Variants in AAAS observed in about 807,000 individuals in gnomAD.
AAAS encodes aladin WD repeat nucleoporin.
In AAAS, 60 loss-of-function variants were observed where a neutral mutation model predicts 75.6. The observed-to-expected ratio is 0.79, with a 90% CI of 0.64 to 0.98. The LOEUF is 0.98. Ranked by LOEUF, AAAS falls within the 50% of genes least tolerant of loss-of-function variation. The pLI is 0.00. For missense variants in AAAS, 658 were observed against 686.9 expected (o/e 0.96, Z 0.47); for synonymous variants, 271 against 265.0 (o/e 1.02, Z -0.22).
Position 53,308,451 on chromosome 12 carries a change from G to C in AAAS, c.1165C>G (p.Pro389Ala), listed in dbSNP as rs765129426. ...ADLSETTIQT[P>A]DGEERLGGEA... The stretch of plus-strand genomic sequence containing the variant: ...TCAGCTCACCTCTCCTCACCATCTG[G>C]TGTCTGTATTGTTGTCTCAGACAGA... Residue 389 changes from proline (P) to alanine (A), a missense_variant, in exon 12 of 16, where the codon CCA becomes GCA. Physicochemically the swap from Pro to Ala is conservative, Grantham distance 27. Coordinates refer to ENST00000209873, the MANE Select transcript of AAAS (RefSeq NM_015665.6). The C allele has an allele frequency of 6.2e-7, 1 of 1,614,116 alleles. No homozygotes were observed. Among genetic ancestry groups the C allele is most frequent in the South Asian group, 1.1e-5 (1 of 91,088 alleles).
In AAAS at chr12:53,321,610, T is replaced by G; in HGVS notation, c.-145A>C. On this transcript the variant is annotated 5_prime_UTR_variant, in exon 1 of 16. Coordinates refer to ENST00000209873, the MANE Select transcript of AAAS (RefSeq NM_015665.6). ...ACGGCGAGGCGGAACTCAACGGAAGTGAAGAAAAGACTAACGGGAAAGAAG... is the reference window on the plus strand; with the variant it reads ...ACGGCGAGGCGGAACTCAACGGAAGGGAAGAAAAGACTAACGGGAAAGAAG... 1.4e-6 allele frequency: 2 copies of G among 1,414,026 alleles called. No homozygotes were observed. Among genetic ancestry groups the G allele is most frequent in the Non-Finnish European group, 2.0e-6 (2 of 1,016,522 alleles). 87.6% of individuals were successfully genotyped at this position (1,414,026 alleles called of 1,614,324 possible).
At chr12:53,310,041 T>C (rs943645896) in intron 7 of AAAS, among the ~76,000 whole-genome samples, 1 of 152,198 alleles carries the variant, frequency 6.6e-6, no homozygotes, top group Admixed American at 6.5e-5. Flanking sequence ...CCTGGGGCGA[T>C]ATCAGGCCCT....
intron 10 of AAAS, 42 bp from the exon 11 acceptor site, chr12:53,308,857 G>A (rs375457910): frequency 3.1e-6 from 5 of 1,613,400 alleles, no homozygotes; most frequent in African/African-American, 1.3e-5. Flanking sequence ...TATGTCTATA[G>A]TAGAATGCAG....
intron 3 of AAAS, 103 bp downstream of exon 3, chr12:53,315,624 T>C (rs1944450260): frequency 2.8e-6 from 4 of 1,433,676 alleles, no homozygotes; most frequent in South Asian, 1.2e-5. Flanking sequence ...ACAGGAAAAA[T>C]AGGGCTAAAA....
At chr12:53,320,348 T>C (rs1592524243) in intron 2 of AAAS, among the ~76,000 whole-genome samples, 1 of 152,306 alleles carries the variant, frequency 6.6e-6, no homozygotes, top group East Asian at 1.9e-4. Context: ...ACTTTTTCCA[T>C]AGTGTTCCTG....
intron 7 of AAAS, among the ~76,000 whole-genome samples, chr12:53,313,787 T>C (rs1944426237): frequency 6.6e-6 from 1 of 151,288 alleles, no homozygotes; most frequent in African/African-American, 2.4e-5. Context: ...TTTCATATTT[T>C]TAGTAGAGAC....
chr12:53,313,875 T>C (rs763719557), intron 7 of AAAS, among the ~76,000 whole-genome samples: 11 of 152,004 alleles, frequency 7.2e-5, no homozygotes, highest in Non-Finnish European at 1.3e-4. Context: ...TCCCAAAGTG[T>C]TGGAATTACA....
Position 53,307,473 on chromosome 12 carries a change from G to T in AAAS, c.*16C>A, listed in dbSNP as rs772663418. ...CTGGTAACTGAGTGGAAAACAAAAGGAAAACTTATTTATTCTTAGAGGTGG... is the reference window on the plus strand; with the variant it reads ...CTGGTAACTGAGTGGAAAACAAAAGTAAAACTTATTTATTCTTAGAGGTGG... On this transcript the variant is annotated 3_prime_UTR_variant, in exon 16 of 16. Transcript: ENST00000209873. 1.2e-6 allele frequency: 2 copies of T among 1,603,828 alleles called. No individual in the cohort carries two copies. Among genetic ancestry groups the T allele is most frequent in the Admixed American group, 3.4e-5 (2 of 58,530 alleles).
chr12:53,318,259 T>TGC (rs1565783318), intron 2 of AAAS, among the ~76,000 whole-genome samples: 40 of 139,164 alleles, frequency 2.9e-4, no homozygotes, highest in African/African-American at 1.1e-3. Flanking sequence ...TGTGTGTGTG[T>TGC]GTGTGTGTGT....
intron 10 of AAAS, 36 bp from the exon 11 acceptor site, chr12:53,308,851 T>G: frequency 6.2e-7 from 1 of 1,613,586 alleles, no homozygotes; most frequent in Non-Finnish European, 8.5e-7. Flanking sequence ...AGAAGGTATG[T>G]CTATAGTAGA....
At chr12:53,311,294 CTT>C (rs919122701) in intron 7 of AAAS, among the ~76,000 whole-genome samples, 37 of 152,194 alleles carry the variant, frequency 2.4e-4, no homozygotes, top group African/African-American at 8.7e-4. Context: ...GAGTTCCGCT[CTT>C]GTCACCCAGG....
chr12:53,309,207 C>G lies in AAAS; in HGVS notation c.885G>C (p.Trp295Cys), dbSNP rs766542823. The G allele has an allele frequency of 7.4e-6, 12 of 1,614,010 alleles. No individual in the cohort carries two copies. Among genetic ancestry groups the G allele is most frequent in the Middle Eastern group, 3.3e-4 (2 of 6,084 alleles). The change falls in exon 9 of 16, where the codon TGG becomes TGC. Residue 295 changes from tryptophan (W) to cysteine (C), a missense_variant. Coordinates refer to ENST00000209873, the MANE Select transcript of AAAS (RefSeq NM_015665.6). ...CCAGGATTTTGCTGCCGTCTGGGGA[C>G]CAGAGCAGGTTGGTCACCCCACCTC... is the stretch of plus-strand genomic sequence containing the variant. ...FRGGGVTNLL[W>C]SPDGSKILAT...
chr12:53,307,850 T>C lies in AAAS; in HGVS notation c.1411A>G (p.Ser471Gly), dbSNP rs756184724. 1 of 1,614,212 alleles carries C rather than the reference T, an allele frequency of 6.2e-7. No homozygotes were observed. The highest frequency in any genetic ancestry group is 8.5e-7 in the Non-Finnish European group (1 of 1,180,044). ...CAGCAGCCTGGCGCACTCACCACAC[T>C]GAGCAGGGCCCCTTTGTTGAAGGAA... ...HPSFNKGALL[S>G]VGWSTGRIAH... is the part of the protein sequence containing the mutation. Residue 471 changes from serine (S) to glycine (G), a missense_variant, in exon 15 of 16, where the codon AGT becomes GGT. Transcript: ENST00000209873.
In AAAS at chr12:53,307,829, A is replaced by G. The variant is rs764966443; in HGVS notation, c.1416+16T>C. On this transcript the variant is annotated intron_variant, in intron 15 of 15. Coordinates refer to ENST00000209873, the MANE Select transcript of AAAS (RefSeq NM_015665.6). The stretch of plus-strand genomic sequence containing the variant: ...CCATCCAACTCCTGGAAGCCCCAGC[A>G]GCCTGGCGCACTCACCACACTGAGC... 9 of 1,613,886 alleles carry G rather than the reference A, an allele frequency of 5.6e-6. No homozygotes were observed. The highest frequency in any genetic ancestry group is 7.6e-6 in the Non-Finnish European group (9 of 1,179,826).
chr12:53,320,451 C>A, intron 2 of AAAS, 114 bp downstream of exon 2: 3 of 1,439,584 alleles, frequency 2.1e-6, no homozygotes, highest in Non-Finnish European at 2.9e-6. Context: ...ATACAGCTCT[C>A]GTGGAGACAG....
chr12:53,311,986 GT>G (rs1944396739), intron 7 of AAAS, among the ~76,000 whole-genome samples: 1 of 151,916 alleles, frequency 6.6e-6, no homozygotes, highest in South Asian at 2.1e-4. Flanking sequence ...AGGTATCAGG[GT>G]TACATTAGCT....
rs1114167372 is a variant in AAAS, at chr12:53,320,616, G to A, written c.200C>T (p.Thr67Ile). Residue 67 changes from threonine to isoleucine, a missense_variant, in exon 2 of 16, where the codon ACT becomes ATT. Physicochemically the swap from Thr to Ile is moderately conservative, Grantham distance 89 (BLOSUM62 -1). Coordinates refer to ENST00000209873, the MANE Select transcript of AAAS (RefSeq NM_015665.6). ...TTGCTCCCGGTGATGGATGAAGGCA[G>A]TTCTTGTGCCATGGTCCAGCCTTCC... ...TPGRLDHGTRTAFIHHREQVW... is the reference protein window; with the variant it reads ...TPGRLDHGTRIAFIHHREQVW... 1 of 1,614,188 alleles carries A rather than the reference G, an allele frequency of 6.2e-7. No homozygotes were observed. Among genetic ancestry groups the A allele is most frequent in the Non-Finnish European group, 8.5e-7 (1 of 1,180,042 alleles).
Position 53,308,823 on chromosome 12 carries a change from CAG to C in AAAS, c.997-10_997-9del. The C allele has an allele frequency of 6.2e-7, 1 of 1,613,938 alleles. No individual in the cohort carries two copies. The highest frequency in any genetic ancestry group is 8.5e-7 in the Non-Finnish European group (1 of 1,180,030). ...TGGGCTCCAGCAGCCAGTCTGGGGTCAGGGAGCAAAAGGCAGGAGAAGGTATG... is the reference window on the plus strand; with the variant it reads ...TGGGCTCCAGCAGCCAGTCTGGGGTCGGAGCAAAAGGCAGGAGAAGGTATG... On this transcript the variant is annotated splice_polypyrimidine_tract_variant and intron_variant, in intron 10 of 15. Transcript: ENST00000209873.
In AAAS at chr12:53,309,027, CAG is replaced by C. The variant is rs749264112; in HGVS notation, c.936-9_936-8del. 1.2e-6 allele frequency: 2 copies of C among 1,614,198 alleles called. No homozygotes were observed. The highest frequency in any genetic ancestry group is 1.7e-6 in the Non-Finnish European group (2 of 1,180,048). On this transcript the variant is annotated splice_polypyrimidine_tract_variant and splice_region_variant and intron_variant, in intron 9 of 15. Transcript: ENST00000209873. ...CATCTGGGCCTCCCAGACTCTGAGC[CAG>C]AGAAAAGCAAATTACAGCTCAGGAC...
Sources: allele counts gnomAD v4.1 joint callset (sites outside exome capture counted in the v4.1 genomes callset), GRCh38; gene constraint gnomAD v4.1.1; transcripts MANE v1.5; gene names NCBI Gene and HGNC (gene_info 2026-07-23, HGNC 2026-07-21).